The following XPR1 variants were observed in gnomAD, a reference collection of about 807,000 sequenced individuals.
XPR1 encodes solute carrier family 53 member 1.
In XPR1, 28 loss-of-function variants were observed where a neutral mutation model predicts 87.5. The observed-to-expected ratio is 0.32, with a 90% CI of 0.24 to 0.44. The LOEUF (loss-of-function observed/expected upper bound fraction) is 0.44. Ranked by LOEUF, XPR1 falls within the 20% of genes least tolerant of loss-of-function variation. The pLI, the probability that XPR1 is intolerant of heterozygous loss-of-function variation, is 1.00. For missense variants in XPR1, 559 were observed against 862.3 expected (o/e 0.65, Z 4.41); for synonymous variants, 300 against 306.1 (o/e 0.98, Z 0.21).
At chr1:180,667,872 A>G (rs1359407604) in intron 1 of XPR1, among the ~76,000 whole-genome samples, 1 of 151,610 alleles carries the variant, frequency 6.6e-6, no homozygotes, top group Non-Finnish European at 1.5e-5. Flanking sequence ...TTTTTGGTGC[A>G]TAGTTGTTCA....
At chr1:180,720,135 T>G (rs1658133790) in intron 2 of XPR1, among the ~76,000 whole-genome samples, 1 of 151,930 alleles carries the variant, frequency 6.6e-6, no homozygotes, top group African/African-American at 2.4e-5. Context: ...GGGGGTGGTG[T>G]TACGAGATAG....
rs183427038 is a variant in XPR1 at position 180,851,481 on chromosome 1, A to G, written c.1502-12227A>G. Among the ~76,000 whole-genome samples the G allele has an allele frequency of 1.2e-4, 18 of 152,366 alleles. 1 individual carries two copies. The East Asian group carries it at 2.5e-3, about 21-fold the overall frequency. ...TTATACAGAATTATAAAATAACTCC[A>G]AGACCAGAAAAGGCACAAACTCCAT... On this transcript the variant is annotated intron_variant, in intron 11 of 14. Coordinates refer to ENST00000367590, the MANE Select transcript of XPR1 (RefSeq NM_004736.4).
At chr1:180,823,843 T>C (rs139444201) in intron 7 of XPR1, among the ~76,000 whole-genome samples, 2 of 152,282 alleles carry the variant, frequency 1.3e-5, no homozygotes, top group African/African-American at 4.8e-5. Context: ...AGATAATGGT[T>C]TTTAACTCAA....
intron 11 of XPR1, among the ~76,000 whole-genome samples, chr1:180,855,734 C>G (rs1200219833): frequency 6.6e-6 from 1 of 151,822 alleles, no homozygotes; most frequent in Admixed American, 6.6e-5. Context: ...CAGCTCCTAA[C>G]TCAGCCTTTT....
Position 180,783,911 on chromosome 1 carries a change from G to A in XPR1, c.122-3842G>A, listed in dbSNP as rs1043901755. Among the ~76,000 whole-genome samples, 8 of 151,726 alleles carry A rather than the reference G, an allele frequency of 5.3e-5. No homozygotes were observed. The Admixed American group carries it at 5.3e-4, about 10-fold the overall frequency. On this transcript the variant is annotated intron_variant, in intron 2 of 14. Coordinates refer to ENST00000367590, the MANE Select transcript of XPR1 (RefSeq NM_004736.4). ...CTCTACTAAAACTGCAAAAATTAGC[G>A]GGGCATGATGGCAGGCACTTGTAAT... is the stretch of plus-strand genomic sequence containing the variant.
chr1:180,645,444 A>C (rs1389135379), intron 1 of XPR1, among the ~76,000 whole-genome samples: 2 of 152,216 alleles, frequency 1.3e-5, no homozygotes, highest in African/African-American at 4.8e-5. Context: ...TTATCTGCCG[A>C]CTTGATCACA....
At chr1:180,739,772 A>C (rs143264025) in intron 2 of XPR1, among the ~76,000 whole-genome samples, 128 of 152,130 alleles carry the variant, frequency 8.4e-4, no homozygotes, top group African/African-American at 2.9e-3. Flanking sequence ...ACAGGGTCTC[A>C]CTATGTTTCC....
At chr1:180,709,888 GTTTT>G (rs34386449) in intron 2 of XPR1, among the ~76,000 whole-genome samples, 6 of 142,410 alleles carry the variant, frequency 4.2e-5, no homozygotes, top group Middle Eastern at 3.5e-3. Flanking sequence ...AGTTTTGAGG[GTTTT>G]TTTTTTTTTT....
intron 14 of XPR1, among the ~76,000 whole-genome samples, chr1:180,881,330 ATTT>A (rs1206884846): frequency 6.6e-6 from 1 of 151,946 alleles, no homozygotes; most frequent in Non-Finnish European, 1.5e-5. Flanking sequence ...CACGCAGCTA[ATTT>A]TTTGTGTTTT....
chr1:180,730,766 G>C (rs1658530590), intron 2 of XPR1, among the ~76,000 whole-genome samples: 1 of 152,032 alleles, frequency 6.6e-6, no homozygotes, highest in South Asian at 2.1e-4. Flanking sequence ...ATGCTCAAGT[G>C]ATCCTCCCCC....
intron 1 of XPR1, among the ~76,000 whole-genome samples, chr1:180,672,429 T>C (rs1218285095): frequency 6.6e-6 from 1 of 152,184 alleles, no homozygotes; most frequent in African/African-American, 2.4e-5. Flanking sequence ...GCTGATTTTA[T>C]TTCTATCATT....
intron 3 of XPR1, among the ~76,000 whole-genome samples, chr1:180,799,894 C>A (rs1418149322): frequency 6.6e-6 from 1 of 152,182 alleles, no homozygotes; most frequent in African/African-American, 2.4e-5. Flanking sequence ...TTTACACAAT[C>A]CAGTTATTCA....
chr1:180,770,529 A>G (rs1310838584), intron 2 of XPR1, among the ~76,000 whole-genome samples: 1 of 152,208 alleles, frequency 6.6e-6, no homozygotes, highest in Non-Finnish European at 1.5e-5. Context: ...TCTTCAAGAT[A>G]TGAAGGGAGG....
At chr1:180,662,493 G>C (rs149604561) in intron 1 of XPR1, among the ~76,000 whole-genome samples, 2,020 of 152,276 alleles carry the variant, frequency 0.013, 38 homozygotes, top group African/African-American at 0.045. Context: ...TCTGCTGCCA[G>C]ATGTATTGGA....
intron 2 of XPR1, among the ~76,000 whole-genome samples, chr1:180,717,411 G>C (rs1056394329): frequency 6.6e-6 from 1 of 152,094 alleles, no homozygotes; most frequent in African/African-American, 2.4e-5. Flanking sequence ...CAAAATATAC[G>C]AGATGAATGA....
intron 2 of XPR1, among the ~76,000 whole-genome samples, chr1:180,696,166 GT>G (rs1442067795): frequency 1.1e-3 from 74 of 66,012 alleles, no homozygotes; most frequent in African/African-American, 5.0e-3. Context: ...TTATTCCTGG[GT>G]GTGTGTGTGT....
chr1:180,780,509 G>A (rs559878223), intron 2 of XPR1, among the ~76,000 whole-genome samples: 1 of 152,268 alleles, frequency 6.6e-6, no homozygotes, highest in Non-Finnish European at 1.5e-5. Context: ...TTGGTTATAT[G>A]TCTTATTGTT....
At chr1:180,779,239 C>T (rs1003854994) in intron 2 of XPR1, among the ~76,000 whole-genome samples, 36 of 152,270 alleles carry the variant, frequency 2.4e-4, no homozygotes, top group South Asian at 1.5e-3. Flanking sequence ...TTGTTGTCTT[C>T]ATTCACTTTT....
intron 1 of XPR1, among the ~76,000 whole-genome samples, chr1:180,648,356 T>C (rs1250255676): frequency 6.6e-6 from 1 of 152,236 alleles, no homozygotes; most frequent in African/African-American, 2.4e-5. Flanking sequence ...CTCTCATTTC[T>C]GAAATGTAGG....
Sources: allele counts gnomAD v4.1 joint callset (sites outside exome capture counted in the v4.1 genomes callset), GRCh38; gene constraint gnomAD v4.1.1; transcripts MANE v1.5; gene names NCBI Gene and HGNC (gene_info 2026-07-23, HGNC 2026-07-21).